The following TSPEAR variants were observed in gnomAD, a reference collection of about 807,000 sequenced individuals.
TSPEAR encodes thrombospondin-type laminin G domain and EAR repeat-containing protein.
Under a neutral mutation model 71.6 loss-of-function variants are expected in TSPEAR, and 69 were observed. That is an observed-to-expected ratio of 0.96 (90% CI 0.79 to 1.18). The LOEUF (loss-of-function observed/expected upper bound fraction) is 1.18. Among genes scored for constraint, TSPEAR ranks in the 50% most tolerant of loss-of-function variants. TSPEAR has a pLI of 0.00. For missense variants in TSPEAR, 971 were observed against 894.9 expected (o/e 1.09, Z -1.09); for synonymous variants, 402 against 387.2 (o/e 1.04, Z -0.45).
chr21:44,628,061 C>T, intron 1 of TSPEAR: 1 of 1,605,604 alleles, frequency 6.2e-7, no homozygotes, highest in Non-Finnish European at 8.5e-7. Context: ...CGGTCATGTC[C>T]CCCAGGGCCA....
At chr21:44,550,710 C>A (rs781892579) in intron 2 of TSPEAR, 1 of 1,613,866 alleles carries the variant, frequency 6.2e-7, no homozygotes, top group South Asian at 1.1e-5. Flanking sequence ...AGACTTTTGG[C>A]CTGAGGAAAA....
chr21:44,577,588 C>A (rs1182658894), intron 1 of TSPEAR, among the ~76,000 whole-genome samples: 4 of 152,146 alleles, frequency 2.6e-5, no homozygotes, highest in Non-Finnish European at 5.9e-5. Flanking sequence ...GGGGGTGGCA[C>A]CAAGCCACTC....
intron 2 of TSPEAR, among the ~76,000 whole-genome samples, chr21:44,544,787 GAGGAAGCCA>G (rs1555917576): frequency 1.3e-5 from 2 of 152,156 alleles, no homozygotes; most frequent in African/African-American, 4.8e-5. Flanking sequence ...GGAGGCTAAT[GAGGAAGCCA>G]CTGTCATGCA....
chr21:44,676,159 GAGA>G (rs1986303789), intron 1 of TSPEAR: 7 of 1,041,150 alleles, frequency 6.7e-6, no homozygotes, highest in Admixed American at 1.7e-5. Context: ...CTGCAGGTAG[GAGA>G]AGAAGTACTG....
intron 1 of TSPEAR, chr21:44,654,239 G>T: frequency 1.9e-6 from 3 of 1,555,624 alleles, no homozygotes; most frequent in South Asian, 2.2e-5. Context: ...GCTGGCTTCT[G>T]ACCTCGCACC....
At chr21:44,628,838 G>T (rs1314597528) in intron 1 of TSPEAR, among the ~76,000 whole-genome samples, 2 of 152,162 alleles carry the variant, frequency 1.3e-5, no homozygotes, top group Admixed American at 6.5e-5. Flanking sequence ...GACACTCACA[G>T]ACGCTCAGGG....
intron 2 of TSPEAR, among the ~76,000 whole-genome samples, chr21:44,548,371 T>C (rs1252324287): frequency 6.6e-6 from 1 of 152,210 alleles, no homozygotes; most frequent in Non-Finnish European, 1.5e-5. Context: ...TGATTATGTG[T>C]TCCCTTGACT....
At chr21:44,524,626 G>A (rs1198136658) in intron 8 of TSPEAR, among the ~76,000 whole-genome samples, 2 of 152,172 alleles carry the variant, frequency 1.3e-5, no homozygotes, top group African/African-American at 4.8e-5. Context: ...CAGTCAGTCA[G>A]GTAGTCAGTC....
At chr21:44,582,903 G>T (rs148257653) in intron 1 of TSPEAR, among the ~76,000 whole-genome samples, 70 of 151,868 alleles carry the variant, frequency 4.6e-4, no homozygotes, top group African/African-American at 1.4e-3. Context: ...TGGTGCTGCA[G>T]GCCCCACCTC....
intron 1 of TSPEAR, chr21:44,698,171 A>C: frequency 3.3e-6 from 2 of 601,646 alleles, no homozygotes; most frequent in Non-Finnish European, 5.8e-6. Context: ...CACTTCCCAC[A>C]TTCCAGGCCC....
At position 44,599,134 on chromosome 21, in the gene TSPEAR, T is replaced by TTCCCTCTCTCTCTCTCTCTCTCTCTC. The variant is rs1980575358; in HGVS notation, c.83-31130_83-31129insGAGAGAGAGAGAGAGAGAGAGAGGGA. Reference sequence around the variant, plus strand: ...CCATATGGAAGCAGAGGCCCCCATTTTCTCTCTCTCTCTCTCTCTCTCTCT... The same window carrying TTCCCTCTCTCTCTCTCTCTCTCTCTC: ...CCATATGGAAGCAGAGGCCCCCATTTTCCCTCTCTCTCTCTCTCTCTCTCTCTCTCTCTCTCTCTCTCTCTCTCTCT... On this transcript the variant is annotated intron_variant, in intron 1 of 11. Coordinates refer to ENST00000323084, the MANE Select transcript of TSPEAR (RefSeq NM_144991.3). 5.4e-5 allele frequency among the ~76,000 whole-genome samples: 5 copies of TTCCCTCTCTCTCTCTCTCTCTCTCTC among 92,280 alleles called. No individual in the cohort carries two copies. The Admixed American group carries it at 6.8e-4, about 12-fold the overall frequency. The allele number at this position is 92,280 out of a possible 152,430, so 60.5% of individuals were successfully genotyped here.
chr21:44,572,978 G>C (rs80300996), intron 1 of TSPEAR, among the ~76,000 whole-genome samples: 5,509 of 151,880 alleles, frequency 0.036, 324 homozygotes, highest in African/African-American at 0.13. Flanking sequence ...GGAGTGAGGG[G>C]AGCGGGGTGA....
At chr21:44,530,867 G>T (rs2052955458) in intron 4 of TSPEAR, among the ~76,000 whole-genome samples, 176 bp downstream of exon 4, 3 of 152,238 alleles carry the variant, frequency 2.0e-5, no homozygotes, top group Non-Finnish European at 1.5e-5. Context: ...AGGGAGGAGG[G>T]TGCCAGGAGG....
chr21:44,666,808 G>A, intron 1 of TSPEAR: 1 of 1,611,836 alleles, frequency 6.2e-7, no homozygotes, highest in Non-Finnish European at 8.5e-7. Context: ...CAGGAGCTGG[G>A]CACACAACAG....
At chr21:44,664,327 A>G (rs1393408460) in intron 1 of TSPEAR, among the ~76,000 whole-genome samples, 3 of 152,214 alleles carry the variant, frequency 2.0e-5, no homozygotes, top group African/African-American at 7.2e-5. Context: ...TAAAAATAGT[A>G]CCATAATAGC....
intron 4 of TSPEAR, 79 bp downstream of exon 4, chr21:44,530,964 C>T: frequency 8.8e-7 from 1 of 1,136,220 alleles, no homozygotes; most frequent in Non-Finnish European, 1.3e-6. Context: ...GATCTGTCAA[C>T]TAGAGCAGTA....
chr21:44,635,203 G>T (rs1331490324), intron 1 of TSPEAR, among the ~76,000 whole-genome samples: 1 of 151,946 alleles, frequency 6.6e-6, no homozygotes, highest in East Asian at 1.9e-4. Flanking sequence ...AAAATTAGCT[G>T]GGTGTGGTGG....
Position 44,642,386 on chromosome 21 carries a change from G to A in TSPEAR, c.82+69047C>T, listed in dbSNP as rs1555938703. Reference sequence around the variant, plus strand: ...TCCTCTGGATTCCTCTAGTAAGACTGGTGACATCCTGATGCCAAAACCAGG... The same window carrying A: ...TCCTCTGGATTCCTCTAGTAAGACTAGTGACATCCTGATGCCAAAACCAGG... On this transcript the variant is annotated intron_variant, in intron 1 of 11. Coordinates refer to ENST00000323084, the MANE Select transcript of TSPEAR (RefSeq NM_144991.3). The surrounding 1 kb of genome is among the most constrained non-coding windows in gnomAD (Gnocchi z 4.1). 1.3e-5 allele frequency among the ~76,000 whole-genome samples: 2 copies of A among 152,110 alleles called. No individual in the cohort carries two copies. The highest frequency in any genetic ancestry group is 2.9e-5 in the Non-Finnish European group (2 of 68,028).
At chr21:44,697,290 A>T (rs1987395520) in intron 1 of TSPEAR, 1 of 1,613,664 alleles carries the variant, frequency 6.2e-7, no homozygotes. Context: ...TGGCAGGTGG[A>T]CGACTGCCCA....
Sources: gnomAD v4.1 joint callset for allele counts (sites outside exome capture counted in the v4.1 genomes callset) on GRCh38, gnomAD v4.1.1 for gene constraint, Gnocchi (gnomAD v3.1) non-coding constraint, MANE v1.5 for transcripts, NCBI Gene and HGNC (gene_info 2026-07-23, HGNC 2026-07-21) for gene names.